Variants in ZNF557 observed in about 807,000 individuals in gnomAD.
ZNF557 encodes CTB-25J19.9.
In ZNF557, 19 loss-of-function variants were observed where a neutral mutation model predicts 21.2. The observed-to-expected ratio is 0.90, with a 90% CI of 0.63 to 1.32. The LOEUF (loss-of-function observed/expected upper bound fraction) is 1.32. Ranked by LOEUF, ZNF557 falls within the 40% of genes most tolerant of loss-of-function variation. ZNF557 has a pLI of 0.00. For missense variants in ZNF557, 487 were observed against 519.8 expected, an observed-to-expected ratio of 0.94 and a Z score of 0.61; for synonymous variants, 207 against 194.8, an observed-to-expected ratio of 1.06 and a Z score of -0.52.
chr19:7,083,635 T>G lies in ZNF557; in HGVS notation c.1184T>G (p.Met395Arg), dbSNP rs750681476. 85 of 1,613,922 alleles carry G rather than the reference T, an allele frequency of 5.3e-5. No individual in the cohort carries two copies. The highest frequency in any genetic ancestry group is 5.3e-5 in the Non-Finnish European group (63 of 1,179,968). Residue 395 changes from methionine (M) to arginine (R), a missense_variant, in exon 8 of 8, where the codon ATG becomes AGG. Coordinates refer to ENST00000252840, the MANE Select transcript of ZNF557 (RefSeq NM_024341.3). ...FNVLSSVKKH[M>R]RTHTGKKPYE... Reference sequence around the variant, plus strand: ...GTTCTCTCATCCGTTAAGAAACACATGAGAACTCACACTGGAAAAAAACCC... The same window carrying G: ...GTTCTCTCATCCGTTAAGAAACACAGGAGAACTCACACTGGAAAAAAACCC...
chr19:7,080,456 G>A (rs1977677419), intron 5 of ZNF557, among the ~76,000 whole-genome samples: 1 of 152,108 alleles, frequency 6.6e-6, no homozygotes, highest in Non-Finnish European at 1.5e-5. Context: ...GATGTGTTGG[G>A]ACACACTTCC....
intron 5 of ZNF557, among the ~76,000 whole-genome samples, chr19:7,077,793 G>A (rs1247501313): frequency 6.6e-6 from 1 of 152,112 alleles, no homozygotes; most frequent in Non-Finnish European, 1.5e-5. Flanking sequence ...TAGTTTCTCT[G>A]CATCCTTACC....
In ZNF557 at chr19:7,085,452, C is replaced by T. The variant is rs570043516; in HGVS notation, c.*1708C>T. The T allele has an allele frequency of 4.6e-5, 7 of 152,288 alleles. No individual in the cohort carries two copies. Among genetic ancestry groups the T allele is most frequent in the African/African-American group, 1.7e-4 (7 of 41,542 alleles). The allele number at this position is 152,288 out of a possible 1,614,324, so 9.4% of individuals were successfully genotyped here. A position where few individuals can be genotyped will look rare whatever the true frequency, so the allele number is the denominator to read the frequency against. On this transcript the variant is annotated 3_prime_UTR_variant, in exon 8 of 8. Coordinates refer to ENST00000252840, the MANE Select transcript of ZNF557 (RefSeq NM_024341.3). Reference sequence around the variant, plus strand: ...ATGCTGGGAATACAGGAACGAGCTACCACTCTCAGCCAGAACTTCTTAAGA... The same window carrying T: ...ATGCTGGGAATACAGGAACGAGCTATCACTCTCAGCCAGAACTTCTTAAGA...
At chr19:7,077,899 A>AG (rs1365252615) in intron 5 of ZNF557, among the ~76,000 whole-genome samples, 1 of 152,202 alleles carries the variant, frequency 6.6e-6, no homozygotes, top group Non-Finnish European at 1.5e-5. Flanking sequence ...CCTAAAAAAA[A>AG]TGATGAGATT....
intron 5 of ZNF557, among the ~76,000 whole-genome samples, chr19:7,077,692 G>T (rs1303353699): frequency 6.6e-6 from 1 of 152,170 alleles, no homozygotes; most frequent in African/African-American, 2.4e-5. Flanking sequence ...TGGTAATTCT[G>T]TGTTTAATGT....
chr19:7,070,573 A>G lies in ZNF557; in HGVS notation c.-160A>G, dbSNP rs1977437126. 1 of 152,222 alleles carries G rather than the reference A, an allele frequency of 6.6e-6. No homozygotes were observed. The highest frequency in any genetic ancestry group is 2.1e-4 in the South Asian group (1 of 4,834). The allele number at this position is 152,222 out of a possible 1,614,324, so 9.4% of individuals were successfully genotyped here. On this transcript the variant is annotated 5_prime_UTR_variant, in exon 2 of 8. Transcript: ENST00000252840. Reference sequence around the variant, plus strand: ...CCCTTTTTATTTAGACGAAAAAAGTATAATTCAAGCTCAGATTTGTGTTGA... The same window carrying G: ...CCCTTTTTATTTAGACGAAAAAAGTGTAATTCAAGCTCAGATTTGTGTTGA...
At chr19:7,074,295 C>T (rs908660660) in intron 2 of ZNF557, among the ~76,000 whole-genome samples, 38 of 150,906 alleles carry the variant, frequency 2.5e-4, no homozygotes, top group African/African-American at 8.5e-4. Flanking sequence ...CAGGAGCCAC[C>T]GCGCCTGGCC....
rs775580583 is a variant in ZNF557, at chr19:7,083,172, T to C, written c.721T>C (p.Cys241Arg). The C allele has an allele frequency of 6.2e-7, 1 of 1,614,218 alleles. No homozygotes were observed. The highest frequency in any genetic ancestry group is 1.7e-5 in the Admixed American group (1 of 60,030). The change falls in exon 8 of 8, where the codon TGT becomes CGT. Residue 241 changes from cysteine to arginine, a missense_variant. By Grantham distance (180) the Cys-to-Arg change is radical (BLOSUM62 -3). Transcript: ENST00000252840. Reference protein sequence around the residue: ...NGEKPYECSDCGKTFSNSSYL... With the variant: ...NGEKPYECSDRGKTFSNSSYL... Reference sequence around the variant, plus strand: ...GGAGAAACCCTACGAATGCAGTGACTGTGGGAAAACCTTCAGCAATTCCTC... The same window carrying C: ...GGAGAAACCCTACGAATGCAGTGACCGTGGGAAAACCTTCAGCAATTCCTC...
intron 5 of ZNF557, among the ~76,000 whole-genome samples, chr19:7,081,029 T>C (rs1196215862): frequency 1.3e-5 from 2 of 152,138 alleles, no homozygotes; most frequent in Admixed American, 6.6e-5. Flanking sequence ...AAGATCTCCT[T>C]CTTTCCCTGA....
At chr19:7,081,322 C>A in intron 5 of ZNF557, 38 bp from the exon 6 acceptor site, 1 of 1,407,802 alleles carries the variant, frequency 7.1e-7, no homozygotes, top group Non-Finnish European at 1.0e-6. Flanking sequence ...GTCTGCTGCA[C>A]AGTCCCCCTA....
At chr19:7,080,012 T>TG (rs931603987) in intron 5 of ZNF557, among the ~76,000 whole-genome samples, 40 of 151,878 alleles carry the variant, frequency 2.6e-4, no homozygotes, top group Admixed American at 9.2e-4. Context: ...CTTCTAGAAA[T>TG]GTGTGGAGGC....
In ZNF557 at chr19:7,086,364, T is replaced by C. The variant is rs1406296201; in HGVS notation, c.*2620T>C. 17 of 136,116 alleles carry C rather than the reference T, an allele frequency of 1.2e-4. No homozygotes were observed. Among genetic ancestry groups the C allele is most frequent in the African/African-American group, 3.3e-4 (12 of 36,428 alleles). The allele number at this position is 136,116 out of a possible 1,614,324, so 8.4% of individuals were successfully genotyped here. ...TATAGCAAATACTGTTTCTTTTTTT[T>C]TTTTTTTTTTTTTTTGAGACGGAGT... On this transcript the variant is annotated 3_prime_UTR_variant, in exon 8 of 8. Transcript: ENST00000252840.
At chr19:7,076,645 G>A (rs532793260) in intron 5 of ZNF557, 138 bp downstream of exon 5, 133 of 1,302,818 alleles carry the variant, frequency 1.0e-4, no homozygotes, top group African/African-American at 1.5e-4. Flanking sequence ...GTGGCTTTTC[G>A]TAGGTTCACA....
intron 7 of ZNF557, 110 bp downstream of exon 7, chr19:7,082,162 TC>T: frequency 1.3e-6 from 1 of 799,612 alleles, no homozygotes; most frequent in Non-Finnish European, 2.0e-6. Context: ...ATGCCTTTAA[TC>T]CCAGCACCTT....
Position 7,083,350 on chromosome 19 carries a change from CT to C in ZNF557, c.902del (p.Phe301SerfsTer35). 6.2e-7 allele frequency: 1 copy of C among 1,614,174 alleles called. No individual in the cohort carries two copies. Among genetic ancestry groups the C allele is most frequent in the Non-Finnish European group, 8.5e-7 (1 of 1,180,024 alleles). On this transcript the variant is annotated frameshift_variant, in exon 8 of 8. Transcript: ENST00000252840. LOFTEE classifies it low-confidence loss of function (END_TRUNC). ...GHYVCNQCGKAFGTRSSLSSH... is the reference protein window; with the variant it reads ...GHYVCNQCGKXFGTRSSLSSH... ...TATGTATGTAATCAGTGTGGAAAGG[CT>C]TTCGGCACGAGGTCATCTCTTTCTT...
intron 5 of ZNF557, among the ~76,000 whole-genome samples, chr19:7,078,737 T>A (rs1034025640): frequency 1.3e-4 from 20 of 152,162 alleles, no homozygotes; most frequent in Non-Finnish European, 2.9e-5. Context: ...TGCCAATTTT[T>A]CCATATATTC....
chr19:7,083,017 A>G lies in ZNF557; in HGVS notation c.566A>G (p.Tyr189Cys). 1 of 1,614,128 alleles carries G rather than the reference A, an allele frequency of 6.2e-7. No individual in the cohort carries two copies. Among genetic ancestry groups the G allele is most frequent in the Non-Finnish European group, 8.5e-7 (1 of 1,180,016 alleles). Residue 189 changes from tyrosine to cysteine, a missense_variant, in exon 8 of 8, where the codon TAC becomes TGC. Coordinates refer to ENST00000252840, the MANE Select transcript of ZNF557 (RefSeq NM_024341.3). The part of the protein sequence containing the change: ...PYGCSECGKS[Y>C]SSRSYLAVHK... The stretch of plus-strand genomic sequence containing the variant: ...GGCTGCAGTGAATGTGGGAAATCCT[A>G]CAGCAGTAGATCTTACCTTGCTGTT...
At position 7,081,419 on chromosome 19, in the gene ZNF557, AC is replaced by A; in HGVS notation, c.308del (p.Thr103LysfsTer23). 1 of 1,613,954 alleles carries A rather than the reference AC, an allele frequency of 6.2e-7. No individual in the cohort carries two copies. The highest frequency in any genetic ancestry group is 8.5e-7 in the Non-Finnish European group (1 of 1,179,898). Reference protein sequence around the residue: ...SQLEQEDKVMTEERGILSGTC... With the variant: ...SQLEQEDKVMXEERGILSGTC... Reference sequence around the variant, plus strand: ...GCTGGAGCAAGAAGATAAAGTGATGACAGAAGAGAGAGGAATTCTCTCAGGT... The same window carrying A: ...GCTGGAGCAAGAAGATAAAGTGATGAAGAAGAGAGAGGAATTCTCTCAGGT... On this transcript the variant is annotated frameshift_variant, in exon 6 of 8. Transcript: ENST00000252840. LOFTEE classifies it high-confidence loss of function.
rs548320244 is a variant in ZNF557 at position 7,076,229 on chromosome 19, G to A, written c.121-152G>A. The A allele has an allele frequency of 2.9e-5, 44 of 1,526,064 alleles. No homozygotes were observed. In the African/African-American group the frequency reaches 5.6e-4, roughly 19 times the overall value. 94.5% of individuals were successfully genotyped at this position (1,526,064 alleles called of 1,614,324 possible). A position where few individuals can be genotyped will look rare whatever the true frequency, so the allele number is the denominator to read the frequency against. On this transcript the variant is annotated intron_variant, in intron 4 of 7. Coordinates refer to ENST00000252840, the MANE Select transcript of ZNF557 (RefSeq NM_024341.3). ...GAGGGCTGAGCTCAGAAGCCAGGGA[G>A]AAGAGCTCAGAACCTCAGGAGAGGA...
Sources: gnomAD v4.1 joint callset for allele counts (sites outside exome capture counted in the v4.1 genomes callset) on GRCh38, gnomAD v4.1.1 for gene constraint, MANE v1.5 for transcripts, NCBI Gene and HGNC (gene_info 2026-07-23, HGNC 2026-07-21) for gene names.